Variants in CAV1 observed in about 807,000 individuals in gnomAD.
CAV1 encodes the protein caveolin 1.
A neutral mutation model predicts 16.5 loss-of-function variants in CAV1; 10 were observed. That is an observed-to-expected ratio of 0.61 (90% CI 0.37 to 1.03). The LOEUF (loss-of-function observed/expected upper bound fraction) is 1.03, where lower values mean the gene tolerates loss of function less well. Ranked by LOEUF, CAV1 falls within the 50% of genes least tolerant of loss-of-function variation. CAV1 has a pLI of 0.01. For missense variants in CAV1, 212 were observed against 232.8 expected (o/e 0.91, Z 0.58); for synonymous variants, 76 against 85.1 (o/e 0.89, Z 0.59).
At chr7:116,549,097 G>A (rs188179006) in intron 2 of CAV1, among the ~76,000 whole-genome samples, 5 of 152,170 alleles carry the variant, frequency 3.3e-5, no homozygotes, top group African/African-American at 7.2e-5. Flanking sequence ...ACACAGACAC[G>A]CACATACACA....
intron 1 of CAV1, chr7:116,525,796 A>C: frequency 9.6e-7 from 1 of 1,041,196 alleles, no homozygotes; most frequent in Non-Finnish European, 1.2e-6. Context: ...GGGTCGGGGG[A>C]GCTGCGCAGG....
At chr7:116,532,036 T>C (rs962281587) in intron 2 of CAV1, among the ~76,000 whole-genome samples, 3 of 152,330 alleles carry the variant, frequency 2.0e-5, no homozygotes, top group Middle Eastern at 6.8e-3. Flanking sequence ...GTCTTTTCCC[T>C]CCTCCATCTA....
chr7:116,535,767 C>T (rs748640718), intron 2 of CAV1, among the ~76,000 whole-genome samples: 33 of 152,110 alleles, frequency 2.2e-4, no homozygotes, highest in African/African-American at 4.8e-4. Flanking sequence ...TATTGAACCT[C>T]GAGAAGATGT....
intron 2 of CAV1, among the ~76,000 whole-genome samples, chr7:116,550,026 A>G (rs944228080): frequency 4.6e-5 from 7 of 152,214 alleles, no homozygotes; most frequent in African/African-American, 1.7e-4. Context: ...GTTTGTGAAG[A>G]GAAGCAGATG....
intron 2 of CAV1, among the ~76,000 whole-genome samples, chr7:116,557,557 G>A (rs1468230821): frequency 6.6e-6 from 1 of 152,116 alleles, no homozygotes; most frequent in Admixed American, 6.5e-5. Flanking sequence ...AATCTTTACA[G>A]AGGGATAAAA....
chr7:116,525,682 A>G, intron 1 of CAV1: 1 of 1,084,726 alleles, frequency 9.2e-7, no homozygotes, highest in Non-Finnish European at 1.1e-6. Context: ...ATCACTTCCA[A>G]CGCCCTCCAC....
At chr7:116,548,479 C>T (rs1794097103) in intron 2 of CAV1, among the ~76,000 whole-genome samples, 2 of 152,144 alleles carry the variant, frequency 1.3e-5, no homozygotes, top group African/African-American at 2.4e-5. Flanking sequence ...TATCCTCTTG[C>T]TTGGATCACA....
intron 2 of CAV1, among the ~76,000 whole-genome samples, chr7:116,535,825 GAC>G (rs1464418599): frequency 6.6e-6 from 1 of 152,194 alleles, no homozygotes; most frequent in African/African-American, 2.4e-5. Context: ...TATTCCTAAA[GAC>G]ACAACCGAGT....
chr7:116,555,483 GAAA>G lies in CAV1; in HGVS notation c.196-3461_196-3459del, dbSNP rs754338138. ...AGGAAGGAAGGAAGGAAGGAGGAAAGAAAAGAAAGAAAGAAAGAAAGAAAGAAA... is the reference window on the plus strand; with the variant it reads ...AGGAAGGAAGGAAGGAAGGAGGAAAGAGAAAGAAAGAAAGAAAGAAAGAAA... On this transcript the variant is annotated intron_variant, in intron 2 of 2. Coordinates refer to ENST00000341049, the MANE Select transcript of CAV1 (RefSeq NM_001753.5). Among the ~76,000 whole-genome samples, 71 of 15,392 alleles carry G rather than the reference GAAA, an allele frequency of 4.6e-3. 9 individuals carry two copies. The highest frequency in any genetic ancestry group is 0.053 in the Middle Eastern group (2 of 38). 10.1% of individuals were successfully genotyped at this position (15,392 alleles called of 152,430 possible).
chr7:116,556,566 T>C (rs1016651549), intron 2 of CAV1, among the ~76,000 whole-genome samples: 2 of 152,180 alleles, frequency 1.3e-5, no homozygotes, highest in Admixed American at 6.5e-5. Flanking sequence ...TACTATATTA[T>C]AGAGTTGTTG....
At chr7:116,526,804 G>GCACA (rs138907327) in intron 2 of CAV1, 115 bp downstream of exon 2, 50 of 1,011,906 alleles carry the variant, frequency 4.9e-5, no homozygotes, top group African/African-American at 1.1e-4. Context: ...CCCTACACGC[G>GCACA]CACACACACA....
At chr7:116,553,579 A>T (rs1794205766) in intron 2 of CAV1, among the ~76,000 whole-genome samples, 1 of 152,086 alleles carries the variant, frequency 6.6e-6, no homozygotes, top group African/African-American at 2.4e-5. Context: ...GGAATAGCTC[A>T]ACCTCATCTG....
At chr7:116,526,081 G>A (rs1443239938) in intron 1 of CAV1, 4 of 208,662 alleles carry the variant, frequency 1.9e-5, no homozygotes, top group Non-Finnish European at 2.5e-5. Flanking sequence ...ACCGGGGACG[G>A]GAACGCGAAA....
chr7:116,540,589 A>C (rs1229684322), intron 2 of CAV1, among the ~76,000 whole-genome samples: 1 of 152,218 alleles, frequency 6.6e-6, no homozygotes, highest in Non-Finnish European at 1.5e-5. Flanking sequence ...AGCACACTTA[A>C]TATTTTATCA....
At chr7:116,546,702 A>AAAATAAAAATAAAAAT (rs1554356430) in intron 2 of CAV1, among the ~76,000 whole-genome samples, 3 of 142,952 alleles carry the variant, frequency 2.1e-5, no homozygotes, top group African/African-American at 5.3e-5. Flanking sequence ...TGTCACAAAA[A>AAAATAAAAATAAAAAT]AAAAAAAAAA....
chr7:116,556,841 C>A (rs1457174510), intron 2 of CAV1, among the ~76,000 whole-genome samples: 1 of 152,172 alleles, frequency 6.6e-6, no homozygotes, highest in South Asian at 2.1e-4. Context: ...CATCTTTTGA[C>A]CCCAGATTAA....
Position 116,559,107 on chromosome 7 carries a change from C to A in CAV1, c.357C>A (p.Phe119Leu). The A allele has an allele frequency of 6.2e-7, 1 of 1,613,932 alleles. No homozygotes were observed. Among genetic ancestry groups the A allele is most frequent in the Non-Finnish European group, 8.5e-7 (1 of 1,179,910 alleles). Residue 119 changes from phenylalanine (F) to leucine (L), a missense_variant, in exon 3 of 3, where the codon TTC becomes TTA. Transcript: ENST00000341049. ...TGGCACTCATCTGGGGCATTTACTT[C>A]GCCATTCTCTCTTTCCTGCACATCT... is the stretch of plus-strand genomic sequence containing the variant. ...IPMALIWGIY[F>L]AILSFLHIWA...
chr7:116,557,922 C>T (rs3807995), intron 2 of CAV1, among the ~76,000 whole-genome samples: 10,915 of 152,182 alleles, frequency 0.072, 638 homozygotes, highest in East Asian at 0.21. Context: ...AAATAATATT[C>T]AGTCTGGCCT....
chr7:116,534,629 T>C (rs1222881003), intron 2 of CAV1, among the ~76,000 whole-genome samples: 3 of 151,368 alleles, frequency 2.0e-5, no homozygotes, highest in African/African-American at 7.3e-5. Flanking sequence ...CTCAATCTCC[T>C]GACCTTGTGA....
Sources: gnomAD v4.1 joint callset for allele counts (sites outside exome capture counted in the v4.1 genomes callset) on GRCh38, gnomAD v4.1.1 for gene constraint, MANE v1.5 for transcripts, NCBI Gene and HGNC (gene_info 2026-07-23, HGNC 2026-07-21) for gene names.